Variants in WDR93 observed in about 807,000 individuals in gnomAD.
The protein encoded by WDR93 is WD repeat domain 93.
WDR93 carries 73 observed loss-of-function variants against 82.9 expected under a neutral mutation model. The observed-to-expected ratio is 0.88, with a 90% CI of 0.73 to 1.07. The LOEUF is 1.07. Among genes scored for constraint, WDR93 ranks in the 50% least tolerant of loss-of-function variants. The probability of loss-of-function intolerance (pLI) is 0.00; values close to 1 mark genes in which losing one functional copy is unlikely to be tolerated. For synonymous variants in WDR93, 283 were observed against 300.1 expected (o/e 0.94, Z 0.59); for missense variants, 738 against 826.0 (o/e 0.89, Z 1.31).
chr15:89,727,055 T>C (rs1966765142), intron 8 of WDR93, 102 bp from the exon 9 acceptor site: 1 of 1,336,886 alleles, frequency 7.5e-7, no homozygotes. Flanking sequence ...TTTCTGAGGC[T>C]GAGGGATTCT....
intron 1 of WDR93, among the ~76,000 whole-genome samples, chr15:89,691,675 G>C (rs560733928): frequency 2.6e-5 from 4 of 152,310 alleles, no homozygotes; most frequent in African/African-American, 7.2e-5. Flanking sequence ...AGCCGAGATT[G>C]TGCCACTGCT....
At chr15:89,702,857 C>T in intron 2 of WDR93, 93 bp from the exon 3 acceptor site, 2 of 1,340,626 alleles carry the variant, frequency 1.5e-6, no homozygotes, top group Non-Finnish European at 2.0e-6. Context: ...TTATTATTAT[C>T]TAGGAAGGGC....
chr15:89,738,626 CAAAA>C (rs34617270), intron 16 of WDR93, among the ~76,000 whole-genome samples: 2 of 81,456 alleles, frequency 2.5e-5, no homozygotes, highest in Admixed American at 1.5e-4. Context: ...GACTCTGTCC[CAAAA>C]AAAAAAAAAA....
intron 16 of WDR93, among the ~76,000 whole-genome samples, chr15:89,741,147 AT>A (rs199771974): frequency 0.021 from 3,204 of 152,270 alleles, 120 homozygotes; most frequent in African/African-American, 0.074. Flanking sequence ...CTCAAAAAAA[AT>A]AAATAAATAA....
chr15:89,718,345 G>A (rs989307988), intron 7 of WDR93, among the ~76,000 whole-genome samples: 4 of 152,152 alleles, frequency 2.6e-5, no homozygotes, highest in Non-Finnish European at 4.4e-5. Context: ...GTGGTGGCGT[G>A]TGCCTGTAAT....
chr15:89,719,227 A>G lies in WDR93; in HGVS notation c.795+2278A>G, dbSNP rs1446383171. On this transcript the variant is annotated intron_variant, in intron 7 of 16. Coordinates refer to ENST00000268130, the MANE Select transcript of WDR93 (RefSeq NM_020212.2). Reference sequence around the variant, plus strand: ...CTCAGCTTCCCAAATAGCTAAGACTACAGTTGTGTGCTGCTATGCTTGTCT... The same window carrying G: ...CTCAGCTTCCCAAATAGCTAAGACTGCAGTTGTGTGCTGCTATGCTTGTCT... 3.9e-5 allele frequency among the ~76,000 whole-genome samples: 6 copies of G among 152,114 alleles called. 1 individual carries two copies. Among genetic ancestry groups the G allele is most frequent in the Admixed American group, 2.0e-4 (3 of 15,270 alleles).
chr15:89,695,636 A>G (rs1165427368), intron 1 of WDR93, among the ~76,000 whole-genome samples: 2 of 152,142 alleles, frequency 1.3e-5, no homozygotes, highest in Non-Finnish European at 2.9e-5. Context: ...CAGTTTTTGT[A>G]TATTGAACTT....
At chr15:89,737,507 T>A in intron 14 of WDR93, 66 bp from the exon 15 acceptor site, 1 of 1,601,078 alleles carries the variant, frequency 6.2e-7, no homozygotes. Context: ...GGGTGACCTC[T>A]ACACGACCTT....
intron 5 of WDR93, among the ~76,000 whole-genome samples, chr15:89,714,653 C>T (rs1302134186): frequency 6.6e-6 from 1 of 152,038 alleles, no homozygotes; most frequent in African/African-American, 2.4e-5. Flanking sequence ...TGGAATTTAC[C>T]ATTTGCAACA....
At chr15:89,726,424 T>G (rs1178375318) in intron 8 of WDR93, among the ~76,000 whole-genome samples, 2 of 152,226 alleles carry the variant, frequency 1.3e-5, no homozygotes, top group Non-Finnish European at 1.5e-5. Context: ...ATTATGTGTT[T>G]ATAAAACTGG....
chr15:89,725,552 TTTTTTC>T (rs1460635031), intron 8 of WDR93, among the ~76,000 whole-genome samples: 6 of 147,262 alleles, frequency 4.1e-5, no homozygotes, highest in African/African-American at 1.3e-4. Flanking sequence ...ATTTCTTTTT[TTTTTTC>T]TTTTTTCTTT....
intron 7 of WDR93, 90 bp from the exon 8 acceptor site, chr15:89,721,965 C>T: frequency 1.1e-6 from 1 of 889,382 alleles, no homozygotes; most frequent in Non-Finnish European, 1.7e-6. Flanking sequence ...TTTTCCCCTT[C>T]TTTTCCACCT....
At chr15:89,741,369 A>G (rs1057346429) in intron 16 of WDR93, among the ~76,000 whole-genome samples, 3 of 152,126 alleles carry the variant, frequency 2.0e-5, no homozygotes, top group Non-Finnish European at 4.4e-5. Context: ...CTGGGGCCAC[A>G]GGCATGCGCC....
chr15:89,701,982 A>G lies in WDR93; in HGVS notation c.236A>G (p.Asn79Ser), dbSNP rs774197071. 1.2e-6 allele frequency: 2 copies of G among 1,613,648 alleles called. No homozygotes were observed. Among genetic ancestry groups the G allele is most frequent in the Admixed American group, 1.7e-5 (1 of 60,020 alleles). ...DQSWEIIEER[N>S]ALREAESSQI... ...TCTTGGGAAATTATTGAAGAGAGAAACGCACTGAGGGAAGCTGAGAGCAGC... is the reference window on the plus strand; with the variant it reads ...TCTTGGGAAATTATTGAAGAGAGAAGCGCACTGAGGGAAGCTGAGAGCAGC... Residue 79 changes from asparagine to serine, a missense_variant, in exon 2 of 17, where the codon AAC (asparagine) becomes AGC (serine). Coordinates refer to ENST00000268130, the MANE Select transcript of WDR93 (RefSeq NM_020212.2).
chr15:89,730,033 G>C (rs1337285201), intron 11 of WDR93, among the ~76,000 whole-genome samples: 2 of 152,168 alleles, frequency 1.3e-5, no homozygotes, highest in Non-Finnish European at 2.9e-5. Flanking sequence ...GGTAAAAAGA[G>C]AGTAAGCTTG....
rs759482585 is a variant in WDR93, at chr15:89,733,190, A to G, written c.1515A>G (p.Gln505=). The change falls in exon 13 of 17, where the codon CAA becomes CAG. Residue 505 remains glutamine, a synonymous_variant. Transcript: ENST00000268130. Reference sequence around the variant, plus strand: ...ATCTGGTGGAGGCTAGCGGGACCCAAGGACCCACCATCAGTGTGCTTGTTG... The same window carrying G: ...ATCTGGTGGAGGCTAGCGGGACCCAGGGACCCACCATCAGTGTGCTTGTTG... ...SLHLVEASGT[Q]GPTISVLVER... 5.0e-6 allele frequency: 8 copies of G among 1,613,892 alleles called. No individual in the cohort carries two copies. The African/African-American group carries it at 6.7e-5, about 13-fold the overall frequency.
chr15:89,712,405 T>G (rs1324779051), intron 5 of WDR93, among the ~76,000 whole-genome samples: 1 of 144,932 alleles, frequency 6.9e-6, no homozygotes, highest in Non-Finnish European at 1.5e-5. Context: ...TCTTTTTTTT[T>G]TTTTTTTTTT....
At chr15:89,730,870 T>C (rs929909898) in intron 11 of WDR93, among the ~76,000 whole-genome samples, 1 of 151,646 alleles carries the variant, frequency 6.6e-6, no homozygotes, top group Non-Finnish European at 1.5e-5. Context: ...TGGGTGACAG[T>C]GAGGCCCTGT....
intron 4 of WDR93, among the ~76,000 whole-genome samples, chr15:89,708,178 G>A (rs1965806168): frequency 6.6e-6 from 1 of 152,204 alleles, no homozygotes; most frequent in African/African-American, 2.4e-5. Context: ...TATGTTCACT[G>A]TCTTGATTGT....
Sources: allele counts gnomAD v4.1 joint callset (sites outside exome capture counted in the v4.1 genomes callset), GRCh38; gene constraint gnomAD v4.1.1; transcripts MANE v1.5; gene names NCBI Gene and HGNC (gene_info 2026-07-23, HGNC 2026-07-21).